The following ATAD1 variants were observed in gnomAD, a reference collection of about 807,000 sequenced individuals.
The protein encoded by ATAD1 is ATPase family AAA domain containing 1.
In ATAD1, 18 loss-of-function variants were observed where a neutral mutation model predicts 42.7. The observed-to-expected ratio is 0.42, with a 90% CI of 0.29 to 0.63. The LOEUF is 0.63. Ranked by LOEUF, ATAD1 falls within the 20% of genes least tolerant of loss-of-function variation. The pLI, the probability that ATAD1 is intolerant of heterozygous loss-of-function variation, is 0.19. For missense variants in ATAD1, 294 were observed against 440.4 expected, an observed-to-expected ratio of 0.67 and a Z score of 2.98; for synonymous variants, 132 against 143.1, an observed-to-expected ratio of 0.92 and a Z score of 0.55.
rs570545820 is a variant in ATAD1 at position 87,801,332 on chromosome 10, CT to C, written c.163-8578del. 3.7e-3 allele frequency among the ~76,000 whole-genome samples: 561 copies of C among 151,796 alleles called. 3 individuals carry two copies. Among genetic ancestry groups the C allele is most frequent in the African/African-American group, 0.012 (490 of 41,450 alleles). ...TCCAAAATCAAATGATAAATTATGT[CT>C]TTTTTTTGACCTAATTAATTCTTTA... is the stretch of plus-strand genomic sequence containing the variant. On this transcript the variant is annotated intron_variant, in intron 2 of 9. Coordinates refer to ENST00000680024, the MANE Select transcript of ATAD1 (RefSeq NM_001321967.2).
At chr10:87,794,256 A>T (rs980439063) in intron 2 of ATAD1, among the ~76,000 whole-genome samples, 5 of 152,190 alleles carry the variant, frequency 3.3e-5, no homozygotes, top group Non-Finnish European at 7.3e-5. Flanking sequence ...CACATCACAT[A>T]ATCAAACAGG....
intron 8 of ATAD1, among the ~76,000 whole-genome samples, chr10:87,763,219 T>G (rs1182092147): frequency 6.6e-6 from 1 of 152,120 alleles, no homozygotes; most frequent in Non-Finnish European, 1.5e-5. Context: ...CATACGTAGC[T>G]TTCTTAGAAA....
intron 6 of ATAD1, among the ~76,000 whole-genome samples, chr10:87,771,541 T>C (rs964249479): frequency 2.6e-5 from 4 of 152,146 alleles, no homozygotes; most frequent in Non-Finnish European, 5.9e-5. Context: ...CTGTGTACTT[T>C]TTCTCTATAT....
At chr10:87,814,053 G>C (rs942181726) in intron 2 of ATAD1, among the ~76,000 whole-genome samples, 1 of 152,154 alleles carries the variant, frequency 6.6e-6, no homozygotes, top group South Asian at 2.1e-4. Context: ...AAGACTGAGA[G>C]CGTTTCAGTA....
intron 8 of ATAD1, among the ~76,000 whole-genome samples, chr10:87,759,384 T>C (rs1477606573): frequency 1.3e-5 from 2 of 152,194 alleles, no homozygotes; most frequent in African/African-American, 4.8e-5. Flanking sequence ...TGTGGAAATA[T>C]ATTAAAATTG....
chr10:87,770,105 TTA>T (rs1415970618), intron 7 of ATAD1, among the ~76,000 whole-genome samples: 2 of 152,180 alleles, frequency 1.3e-5, no homozygotes, highest in Non-Finnish European at 2.9e-5. Context: ...CAGAGTAATT[TTA>T]TAGAGTCCAT....
At chr10:87,826,159 G>A (rs1360210785) in intron 1 of ATAD1, among the ~76,000 whole-genome samples, 2 of 152,046 alleles carry the variant, frequency 1.3e-5, no homozygotes, top group Non-Finnish European at 2.9e-5. Context: ...AACAGCAGCA[G>A]CAGCAACAAC....
intron 1 of ATAD1, among the ~76,000 whole-genome samples, chr10:87,829,397 A>G (rs1390304315): frequency 6.6e-6 from 1 of 152,000 alleles, no homozygotes; most frequent in Non-Finnish European, 1.5e-5. Context: ...TTGGGACTAC[A>G]GGCACGTGCC....
At chr10:87,798,023 C>T (rs142126203) in intron 2 of ATAD1, among the ~76,000 whole-genome samples, 131 of 152,122 alleles carry the variant, frequency 8.6e-4, no homozygotes, top group African/African-American at 3.0e-3. Context: ...TAACCTCCCT[C>T]GACGTGCAGT....
chr10:87,771,754 TAA>T (rs879464574), intron 6 of ATAD1, among the ~76,000 whole-genome samples: 12 of 139,546 alleles, frequency 8.6e-5, no homozygotes, highest in South Asian at 2.3e-4. Context: ...ATGTAGAGAT[TAA>T]AAAAAAAAAA....
intron 6 of ATAD1, among the ~76,000 whole-genome samples, chr10:87,774,806 A>G (rs549912009): frequency 6.6e-6 from 1 of 152,214 alleles, no homozygotes; most frequent in South Asian, 2.1e-4. Flanking sequence ...CACCAAAATT[A>G]GCCAGGTGTG....
chr10:87,775,088 ACT>A (rs1855229479), intron 6 of ATAD1, among the ~76,000 whole-genome samples: 1 of 152,138 alleles, frequency 6.6e-6, no homozygotes, highest in African/African-American at 2.4e-5. Flanking sequence ...TAAATATAAT[ACT>A]TTTTTTAAAA....
intron 3 of ATAD1, among the ~76,000 whole-genome samples, chr10:87,792,342 G>A (rs554621704): frequency 8.5e-5 from 13 of 152,298 alleles, no homozygotes; most frequent in Admixed American, 2.6e-4. Flanking sequence ...TGAGTCTCCC[G>A]TGAGCTTTCC....
At chr10:87,815,368 C>T (rs541032416) in intron 1 of ATAD1, among the ~76,000 whole-genome samples, 23 of 152,186 alleles carry the variant, frequency 1.5e-4, no homozygotes, top group African/African-American at 5.1e-4. Flanking sequence ...GACATACACT[C>T]CTCTGTCAAT....
intron 5 of ATAD1, among the ~76,000 whole-genome samples, chr10:87,777,313 T>C (rs1282159581): frequency 6.6e-6 from 1 of 152,168 alleles, no homozygotes; most frequent in African/African-American, 2.4e-5. Context: ...CAAAACACTA[T>C]TAAGCCGAAA....
chr10:87,822,395 A>T (rs1173732465), upstream of ATAD1, among the ~76,000 whole-genome samples: 1 of 152,218 alleles, frequency 6.6e-6, no homozygotes, highest in African/African-American at 2.4e-5. Flanking sequence ...CTGAAGCTGT[A>T]CTTGAAGCTC....
At chr10:87,798,784 T>A (rs1460002092) in intron 2 of ATAD1, among the ~76,000 whole-genome samples, 1 of 152,204 alleles carries the variant, frequency 6.6e-6, no homozygotes, top group Non-Finnish European at 1.5e-5. Flanking sequence ...TATCTGATTT[T>A]CACCTGAGTT....
rs982302312 is a variant in ATAD1 at position 87,753,604 on chromosome 10, T to C, written c.*1083A>G. On this transcript the variant is annotated 3_prime_UTR_variant, in exon 10 of 10. Transcript: ENST00000680024. ...ATGGGCATTTTGATGTGTACATTTG[T>C]ACCTGACTTAGGGCACAATTTATAA... 6.6e-6 allele frequency: 1 copy of C among 152,614 alleles called. No homozygotes were observed. Among genetic ancestry groups the C allele is most frequent in the Non-Finnish European group, 1.5e-5 (1 of 68,012 alleles). 9.5% of individuals were successfully genotyped at this position (152,614 alleles called of 1,614,324 possible). A position where few individuals can be genotyped will look rare whatever the true frequency, so the allele number is the denominator to read the frequency against.
chr10:87,777,930 T>C (rs1383143213), intron 5 of ATAD1, among the ~76,000 whole-genome samples: 1 of 152,136 alleles, frequency 6.6e-6, no homozygotes, highest in Non-Finnish European at 1.5e-5. Flanking sequence ...CATTGGACTA[T>C]AATTCAAACT....
Sources: allele counts gnomAD v4.1 joint callset (sites outside exome capture counted in the v4.1 genomes callset), GRCh38; gene constraint gnomAD v4.1.1; transcripts MANE v1.5; gene names NCBI Gene and HGNC (gene_info 2026-07-23, HGNC 2026-07-21).